The following TMEM63A variants were observed in gnomAD, a reference collection of about 807,000 sequenced individuals.
The protein encoded by TMEM63A is transmembrane protein 63A.
Under a neutral mutation model 100.6 loss-of-function variants are expected in TMEM63A, and 76 were observed. The observed-to-expected ratio is 0.76, with a 90% CI of 0.63 to 0.91. The LOEUF (loss-of-function observed/expected upper bound fraction) is 0.91. Among genes scored for constraint, TMEM63A ranks in the 40% least tolerant of loss-of-function variants. The probability of loss-of-function intolerance (pLI) is 0.00; values close to 1 mark genes in which losing one functional copy is unlikely to be tolerated. For synonymous variants in TMEM63A, 401 were observed against 401.1 expected, an observed-to-expected ratio of 1.00 and a Z score of 0.00; for missense variants, 876 against 1,008.8, an observed-to-expected ratio of 0.87 and a Z score of 1.78.
chr1:225,868,632 G>A (rs1446006539), intron 6 of TMEM63A, among the ~76,000 whole-genome samples: 1 of 151,734 alleles, frequency 6.6e-6, no homozygotes, highest in Admixed American at 6.6e-5. Flanking sequence ...GTTGCAGTGA[G>A]TCGAGATCCC....
intron 6 of TMEM63A, among the ~76,000 whole-genome samples, chr1:225,870,172 A>C (rs1362020102): frequency 6.6e-6 from 1 of 151,884 alleles, no homozygotes; most frequent in East Asian, 2.0e-4. Flanking sequence ...CAACATGGAG[A>C]AACCCTGTCT....
chr1:225,871,940 A>G (rs774337354), intron 5 of TMEM63A, 47 bp downstream of exon 5: 1 of 1,437,886 alleles, frequency 7.0e-7, no homozygotes, highest in Non-Finnish European at 9.8e-7. Context: ...CATGACTGCC[A>G]GTCCCCACCC....
Position 225,848,896 on chromosome 1 carries a change from C to G in TMEM63A, c.2187+1G>C. 1 of 1,582,226 alleles carries G rather than the reference C, an allele frequency of 6.3e-7. No homozygotes were observed. Among genetic ancestry groups the G allele is most frequent in the Non-Finnish European group, 8.6e-7 (1 of 1,164,586 alleles). On this transcript the variant is annotated splice_donor_variant, in intron 22 of 24. Transcript: ENST00000366835. LOFTEE classifies it high-confidence loss of function. ...CGGGCAGTGGGGTCGGGGGCCTTTA[C>G]TTTGTAGTTCAGAGGGCTGAGGTGC...
chr1:225,844,056 A>G (rs547005718), downstream of TMEM63A, among the ~76,000 whole-genome samples: 1 of 152,274 alleles, frequency 6.6e-6, no homozygotes, highest in South Asian at 2.1e-4. Flanking sequence ...TCTCCACTTA[A>G]TAAGTAAAAT....
chr1:225,849,616 G>C (rs904183407), intron 21 of TMEM63A, among the ~76,000 whole-genome samples: 27 of 152,208 alleles, frequency 1.8e-4, no homozygotes, highest in African/African-American at 6.5e-4. Context: ...ACTCGGGCTA[G>C]CTTAGGAGCC....
chr1:225,859,015 A>AC (rs1669798638), intron 15 of TMEM63A, among the ~76,000 whole-genome samples, 181 bp downstream of exon 15: 1 of 144,814 alleles, frequency 6.9e-6, no homozygotes, highest in Middle Eastern at 3.4e-3. Context: ...TACTATAAGG[A>AC]CTTTGTAATA....
chr1:225,881,194 G>C (rs994398793), intron 1 of TMEM63A, among the ~76,000 whole-genome samples: 2 of 152,220 alleles, frequency 1.3e-5, no homozygotes, highest in Admixed American at 6.5e-5. Flanking sequence ...AGGCAGTGTG[G>C]CTCAGGGATT....
chr1:225,845,379 C>A (rs781593410), downstream of TMEM63A: 131 of 1,543,222 alleles, frequency 8.5e-5, no homozygotes, highest in Middle Eastern at 9.1e-4. Context: ...GCCACCTCCC[C>A]CCACAAGTGC....
In TMEM63A at chr1:225,852,785, G is replaced by A; in HGVS notation, c.1798-16C>T. The A allele has an allele frequency of 7.5e-6, 12 of 1,610,174 alleles. No individual in the cohort carries two copies. Among genetic ancestry groups the A allele is most frequent in the Non-Finnish European group, 1.0e-5 (12 of 1,176,702 alleles). On this transcript the variant is annotated splice_polypyrimidine_tract_variant and intron_variant, in intron 19 of 24. Coordinates refer to ENST00000366835, the MANE Select transcript of TMEM63A (RefSeq NM_014698.3). ...AGGCCTGGTTCTGGGAGGAGGAGGT[G>A]GTGAGGAGCTCATGGACTTGTTCCA...
intron 3 of TMEM63A, among the ~76,000 whole-genome samples, chr1:225,875,617 C>T (rs1262442367): frequency 1.3e-5 from 2 of 152,178 alleles, no homozygotes; most frequent in Non-Finnish European, 2.9e-5. Context: ...AGGAAAACCA[C>T]GAAACCTGCT....
rs2102627421 is a variant in TMEM63A at position 225,865,544 on chromosome 1, GTCTC to G, written c.746+349_746+352del. On this transcript the variant is annotated intron_variant, in intron 10 of 24. Coordinates refer to ENST00000366835, the MANE Select transcript of TMEM63A (RefSeq NM_014698.3). The surrounding 1 kb of genome is among the most constrained non-coding windows in gnomAD (Gnocchi z 4.6). ...GGGTCCATACAAATGCTCAGCTCACGTCTCTCTTATTCTGCAAAGGTGATGCTAA... is the reference window on the plus strand; with the variant it reads ...GGGTCCATACAAATGCTCAGCTCACGTCTTATTCTGCAAAGGTGATGCTAA... 4.6e-6 allele frequency: 1 copy of G among 215,662 alleles called. No individual in the cohort carries two copies. Among genetic ancestry groups the G allele is most frequent in the South Asian group, 8.5e-5 (1 of 11,832 alleles). 13.4% of individuals were successfully genotyped at this position (215,662 alleles called of 1,614,324 possible). A position where few individuals can be genotyped will look rare whatever the true frequency, so the allele number is the denominator to read the frequency against.
rs979972451 is a variant in TMEM63A, at chr1:225,856,738, C to T, written c.1485G>A (p.Lys495=). The part of the protein sequence containing the change: ...YSTLLESHWT[K]SGENQIMMTK... ...TCATCATGATCTGGTTTTCCCCCGA[C>T]CTGCAGGAAGTCAAAGGTGAGCACT... Residue 495 remains lysine, a splice_region_variant and synonymous_variant, in exon 17 of 25, where the codon AAG becomes AAA. Coordinates refer to ENST00000366835, the MANE Select transcript of TMEM63A (RefSeq NM_014698.3). 1.2e-6 allele frequency: 2 copies of T among 1,613,364 alleles called. No homozygotes were observed. The highest frequency in any genetic ancestry group is 1.7e-5 in the Admixed American group (1 of 59,854).
rs750253072 is a variant in TMEM63A at position 225,853,988 on chromosome 1, C to T, written c.1635-197G>A. 2.1e-4 allele frequency among the ~76,000 whole-genome samples: 32 copies of T among 152,190 alleles called. No individual in the cohort carries two copies. The highest frequency in any genetic ancestry group is 4.3e-4 in the Non-Finnish European group (29 of 68,032). ...AGAATAGAACAAAGCCCCTGCGCCA[C>T]TCTCTTGAAGTTCACATTCTAGCTG... On this transcript the variant is annotated intron_variant, in intron 18 of 24. Coordinates refer to ENST00000366835, the MANE Select transcript of TMEM63A (RefSeq NM_014698.3). This position sits in a 1 kb window ranked among gnomAD's most constrained non-coding sequence, Gnocchi z 4.0.
chr1:225,846,910 G>A lies in TMEM63A; in HGVS notation c.*29C>T, dbSNP rs1669020943. On this transcript the variant is annotated 3_prime_UTR_variant, in exon 25 of 25. Coordinates refer to ENST00000366835, the MANE Select transcript of TMEM63A (RefSeq NM_014698.3). ...GCCTGAGCCCCAGGCCATTCTGGTT[G>A]TGTCTTTTCAGAGCAGTGAGACCTA... 1.2e-5 allele frequency: 14 copies of A among 1,178,910 alleles called. No homozygotes were observed. The highest frequency in any genetic ancestry group is 1.6e-5 in the Non-Finnish European group (14 of 869,030). 73.0% of individuals were successfully genotyped at this position (1,178,910 alleles called of 1,614,324 possible). A position where few individuals can be genotyped will look rare whatever the true frequency, so the allele number is the denominator to read the frequency against.
chr1:225,851,250 T>C (rs1669321980), intron 20 of TMEM63A, among the ~76,000 whole-genome samples: 1 of 152,200 alleles, frequency 6.6e-6, no homozygotes, highest in African/African-American at 2.4e-5. Context: ...ATCCCTGCCC[T>C]CATCACAGTC....
In TMEM63A at chr1:225,862,690, C is replaced by T. The variant is rs1670004755; in HGVS notation, c.827+81G>A. On this transcript the variant is annotated intron_variant, in intron 11 of 24. Coordinates refer to ENST00000366835, the MANE Select transcript of TMEM63A (RefSeq NM_014698.3). This position sits in a 1 kb window ranked among gnomAD's most constrained non-coding sequence, Gnocchi z 5.1. The stretch of plus-strand genomic sequence containing the variant: ...CAGGGGAGAAGGAGGGGTCCAGGGC[C>T]TCCCGCCTCCCTTCCTAGCTGGGAG... The T allele has an allele frequency of 6.2e-7, 1 of 1,608,514 alleles. No homozygotes were observed. The highest frequency in any genetic ancestry group is 1.3e-5 in the African/African-American group (1 of 74,746).
intron 17 of TMEM63A, among the ~76,000 whole-genome samples, chr1:225,856,428 C>T (rs1669617113): frequency 6.8e-6 from 1 of 146,350 alleles, no homozygotes; most frequent in Admixed American, 7.0e-5. Context: ...AGCTCAAGAA[C>T]AGCCTGACCA....
chr1:225,875,734 TC>T (rs1287587445), intron 3 of TMEM63A, among the ~76,000 whole-genome samples: 4 of 150,710 alleles, frequency 2.7e-5, no homozygotes, highest in Non-Finnish European at 4.4e-5. Flanking sequence ...CTCTTATGTG[TC>T]CCCCCTCCCC....
rs969732975 is a variant in TMEM63A, at chr1:225,879,368, T to A, written c.-163A>T. ...GCCTAACACTCATGTCCTGCAGGGC[T>A]TTCCTGACCAGCGAGTCCTGGGGTA... On this transcript the variant is annotated 5_prime_UTR_variant, in exon 2 of 25. The change creates a new upstream start codon in the 5' untranslated region. Transcript: ENST00000366835. The A allele has an allele frequency of 6.6e-6, 1 of 152,234 alleles. No individual in the cohort carries two copies. The highest frequency in any genetic ancestry group is 6.5e-5 in the Admixed American group (1 of 15,268). The allele number at this position is 152,234 out of a possible 1,614,324, so 9.4% of individuals were successfully genotyped here.
Sources: gnomAD v4.1 joint callset for allele counts (sites outside exome capture counted in the v4.1 genomes callset) on GRCh38, gnomAD v4.1.1 for gene constraint, Gnocchi (gnomAD v3.1) non-coding constraint, MANE v1.5 for transcripts, NCBI Gene and HGNC (gene_info 2026-07-23, HGNC 2026-07-21) for gene names.